EPHB1: variants seen among roughly 807,000 people sequenced by gnomAD.
EPHB1 encodes the protein EPH receptor B1.
In EPHB1, 30 loss-of-function variants were observed where a neutral mutation model predicts 94.4. The ratio of observed to expected loss-of-function variants is 0.32; its 90% CI spans 0.24 to 0.43. The LOEUF (loss-of-function observed/expected upper bound fraction) is 0.43. Ranked by LOEUF, EPHB1 falls within the 20% of genes least tolerant of loss-of-function variation. The pLI is 1.00. For synonymous variants in EPHB1, 522 were observed against 489.1 expected (o/e 1.07, Z -0.89); for missense variants, 1,055 against 1,308.3 (o/e 0.81, Z 2.99).
intron 3 of EPHB1, among the ~76,000 whole-genome samples, chr3:135,083,599 AG>A (rs1462820299): frequency 7.2e-5 from 11 of 151,914 alleles, no homozygotes; most frequent in African/African-American, 2.7e-4. Context: ...GGTGAGAGTA[AG>A]GGGAGTGTAT....
At chr3:135,112,472 T>C (rs897180094) in intron 4 of EPHB1, among the ~76,000 whole-genome samples, 10 of 152,138 alleles carry the variant, frequency 6.6e-5, no homozygotes, top group South Asian at 2.1e-4. Context: ...ATGTGCCATG[T>C]TGGTCTGCTG....
chr3:134,954,711 C>T (rs11917721), intron 3 of EPHB1, among the ~76,000 whole-genome samples: 153 of 152,314 alleles, frequency 1.0e-3, no homozygotes, highest in African/African-American at 3.4e-3. Flanking sequence ...ATAATCTCTC[C>T]GCTTCTGGTT....
rs372003010 is a variant in EPHB1, at chr3:134,945,367, A to C, written c.124-6004A>C. ...TTAGTATCTTTGTAGTTTCATTTTT[A>C]ATGTTTAAATCTTGGGTTCACCAGA... On this transcript the variant is annotated intron_variant, in intron 2 of 15. Coordinates refer to ENST00000398015, the MANE Select transcript of EPHB1 (RefSeq NM_004441.5). 1.7e-4 allele frequency among the ~76,000 whole-genome samples: 26 copies of C among 152,306 alleles called. No homozygotes were observed. In the South Asian group the frequency reaches 5.4e-3, roughly 32 times the overall value.
intron 3 of EPHB1, among the ~76,000 whole-genome samples, chr3:134,966,169 T>G (rs577570789): frequency 6.6e-6 from 1 of 152,262 alleles, no homozygotes; most frequent in East Asian, 1.9e-4. Flanking sequence ...TGTCTTTGAA[T>G]GAGAATACAA....
chr3:134,995,290 CTCATT>C (rs775241535), intron 3 of EPHB1, among the ~76,000 whole-genome samples: 5 of 152,120 alleles, frequency 3.3e-5, no homozygotes, highest in African/African-American at 4.8e-5. Context: ...CTGGATGGAT[CTCATT>C]TCCATACAAG....
intron 12 of EPHB1, among the ~76,000 whole-genome samples, chr3:135,225,405 A>C (rs1423421685): frequency 1.3e-5 from 2 of 152,202 alleles, no homozygotes; most frequent in African/African-American, 4.8e-5. Context: ...CTTGTGGTTA[A>C]GGATTCTCTT....
chr3:135,147,560 C>T (rs997582463), intron 5 of EPHB1, among the ~76,000 whole-genome samples: 2 of 152,212 alleles, frequency 1.3e-5, no homozygotes, highest in Non-Finnish European at 2.9e-5. Flanking sequence ...CAGGCTGGGG[C>T]AGCAGCATCA....
chr3:134,940,619 C>T (rs1475645808), intron 2 of EPHB1, among the ~76,000 whole-genome samples: 6 of 152,234 alleles, frequency 3.9e-5, no homozygotes, highest in Middle Eastern at 3.2e-3. Context: ...GCTCCTCCTT[C>T]GTGTACCCTC....
chr3:135,256,730 G>A (rs531654093), intron 15 of EPHB1, among the ~76,000 whole-genome samples: 4,146 of 151,892 alleles, frequency 0.027, 177 homozygotes, highest in African/African-American at 0.092. Context: ...TCTTTGTGGC[G>A]TTCTCTGTAT....
intron 3 of EPHB1, among the ~76,000 whole-genome samples, chr3:135,026,785 A>C (rs1425259677): frequency 7.1e-6 from 1 of 141,836 alleles, no homozygotes; most frequent in Non-Finnish European, 1.5e-5. Context: ...ATGGCATTGA[A>C]TCTGTAAATT....
intron 1 of EPHB1, among the ~76,000 whole-genome samples, chr3:134,844,008 G>A (rs2036823973): frequency 6.6e-6 from 1 of 152,230 alleles, no homozygotes; most frequent in Non-Finnish European, 1.5e-5. Flanking sequence ...ATGTATTATA[G>A]CAACTCTGAG....
chr3:135,039,585 G>T (rs952844050), intron 3 of EPHB1, among the ~76,000 whole-genome samples: 2 of 152,242 alleles, frequency 1.3e-5, no homozygotes, highest in Non-Finnish European at 2.9e-5. Context: ...CGGGAAGGCA[G>T]CTAAGGCCCG....
At chr3:134,946,288 C>T (rs753777168) in intron 2 of EPHB1, among the ~76,000 whole-genome samples, 2 of 152,170 alleles carry the variant, frequency 1.3e-5, no homozygotes, top group Non-Finnish European at 2.9e-5. Context: ...CCTAACTCAT[C>T]AGCGACTTCT....
At chr3:135,114,460 G>C (rs903831839) in intron 4 of EPHB1, among the ~76,000 whole-genome samples, 1 of 148,408 alleles carries the variant, frequency 6.7e-6, no homozygotes, top group African/African-American at 2.5e-5. Context: ...CCAGCACTTT[G>C]GGAGGCCAAG....
chr3:134,964,823 G>A (rs1933667180), intron 3 of EPHB1, among the ~76,000 whole-genome samples: 1 of 152,138 alleles, frequency 6.6e-6, no homozygotes, highest in African/African-American at 2.4e-5. Flanking sequence ...CGAAAAGAGG[G>A]AAAAGAAACA....
intron 1 of EPHB1, among the ~76,000 whole-genome samples, chr3:134,839,053 G>T (rs2036729926): frequency 6.6e-6 from 1 of 152,174 alleles, no homozygotes; most frequent in African/African-American, 2.4e-5. Flanking sequence ...CTATGTGCTA[G>T]GCATTGTATC....
At chr3:135,005,080 C>G (rs1377799479) in intron 3 of EPHB1, among the ~76,000 whole-genome samples, 2 of 152,336 alleles carry the variant, frequency 1.3e-5, no homozygotes, top group Middle Eastern at 3.4e-3. Context: ...TTTTCCCCAT[C>G]TTTGTGGTTT....
chr3:134,882,901 C>T (rs769846306), intron 1 of EPHB1, among the ~76,000 whole-genome samples: 1 of 151,588 alleles, frequency 6.6e-6, no homozygotes, highest in African/African-American at 2.4e-5. Context: ...CAGCTCACTG[C>T]AACCTCTGCC....
intron 12 of EPHB1, among the ~76,000 whole-genome samples, chr3:135,238,011 C>G (rs146120993): frequency 3.0e-4 from 46 of 152,282 alleles, no homozygotes; most frequent in African/African-American, 9.9e-4. Context: ...GATTTCCTTT[C>G]ACATAATTGA....
Sources: allele counts gnomAD v4.1 joint callset (sites outside exome capture counted in the v4.1 genomes callset), GRCh38; gene constraint gnomAD v4.1.1; transcripts MANE v1.5; gene names NCBI Gene and HGNC (gene_info 2026-07-23, HGNC 2026-07-21).